Variants in TMEM182 observed in about 807,000 individuals in gnomAD.
The protein encoded by TMEM182 is transmembrane protein 182.
Under a neutral mutation model 26.8 loss-of-function variants are expected in TMEM182, and 20 were observed. The ratio of observed to expected loss-of-function variants is 0.75; its 90% CI spans 0.53 to 1.09. The LOEUF is 1.09. Among genes scored for constraint, TMEM182 ranks in the 50% least tolerant of loss-of-function variants. The pLI, the probability that TMEM182 is intolerant of heterozygous loss-of-function variation, is 0.00. For missense variants in TMEM182, 277 were observed against 275.5 expected (o/e 1.01, Z -0.04); for synonymous variants, 109 against 102.2 (o/e 1.07, Z -0.40).
At chr2:102,822,443 A>C (rs1434637791), downstream of TMEM182, among the ~76,000 whole-genome samples, 1 of 152,186 alleles carries the variant, frequency 6.6e-6, no homozygotes, top group Non-Finnish European at 1.5e-5. Flanking sequence ...TGAGGGGATG[A>C]GTAGGACAAG....
intron 1 of TMEM182, among the ~76,000 whole-genome samples, chr2:102,756,070 G>A (rs1680021515): frequency 6.6e-6 from 1 of 152,146 alleles, no homozygotes; most frequent in Admixed American, 6.5e-5. Flanking sequence ...AATCAGATGG[G>A]GAACAAGCAA....
chr2:102,813,767 C>T (rs73005337), intron 4 of TMEM182, among the ~76,000 whole-genome samples: 2,305 of 152,210 alleles, frequency 0.015, 63 homozygotes, highest in African/African-American at 0.052. Flanking sequence ...GGTCATGGGT[C>T]CAAAACTGTA....
chr2:102,825,144 C>T (rs1401763217), intron 3 of TMEM182, among the ~76,000 whole-genome samples: 1 of 152,170 alleles, frequency 6.6e-6, no homozygotes, highest in Non-Finnish European at 1.5e-5. Flanking sequence ...TAGAAAAACA[C>T]ATGGTATCTA....
intron 3 of TMEM182, among the ~76,000 whole-genome samples, chr2:102,768,443 C>G (rs993336296): frequency 6.6e-6 from 1 of 151,724 alleles, no homozygotes; most frequent in African/African-American, 2.4e-5. Context: ...AATCCCAACA[C>G]TTTGGAAGGC....
In TMEM182 at chr2:102,776,726, G is replaced by A. The variant is rs76625767; in HGVS notation, c.331+12299G>A. Among the ~76,000 whole-genome samples, 1,042 of 152,230 alleles carry A rather than the reference G, an allele frequency of 6.8e-3. 27 individuals carry two copies. Among genetic ancestry groups the A allele is most frequent in the East Asian group, 0.051 (264 of 5,178 alleles). ...GTGAGAGCATGCTTAAAGAAGCTGC[G>A]AAGCGGTCTTCCAAAGAGACCATAC... is the stretch of plus-strand genomic sequence containing the variant. On this transcript the variant is annotated intron_variant, in intron 3 of 4. Coordinates refer to ENST00000412401, the MANE Select transcript of TMEM182 (RefSeq NM_144632.5).
chr2:102,748,325 T>C (rs1679777418), intron 1 of TMEM182, among the ~76,000 whole-genome samples: 3 of 152,212 alleles, frequency 2.0e-5, no homozygotes, highest in Admixed American at 2.0e-4. Flanking sequence ...GTCCTGTGAG[T>C]GGCCCTCTCA....
intron 1 of TMEM182, among the ~76,000 whole-genome samples, chr2:102,742,697 T>C (rs1679579204): frequency 6.6e-6 from 1 of 152,146 alleles, no homozygotes; most frequent in African/African-American, 2.4e-5. Flanking sequence ...ATCTTACTTA[T>C]AGAGGAGTCA....
At chr2:102,762,521 T>C in intron 1 of TMEM182, 66 bp from the exon 2 acceptor site, 1 of 1,556,864 alleles carries the variant, frequency 6.4e-7, no homozygotes, top group Non-Finnish European at 8.7e-7. Context: ...AAAAATTTAC[T>C]GGCTGTAATG....
chr2:102,758,533 T>C, upstream of TMEM182: 1 of 715,884 alleles, frequency 1.4e-6, no homozygotes, highest in Non-Finnish European at 2.6e-6. Context: ...TAAAAGATGG[T>C]TTGAAAACAT....
intron 3 of TMEM182, among the ~76,000 whole-genome samples, chr2:102,834,988 C>T (rs1683218619): frequency 6.6e-6 from 1 of 152,128 alleles, no homozygotes; most frequent in African/African-American, 2.4e-5. Flanking sequence ...TGCCTGTTTC[C>T]TCCTTTGGAA....
chr2:102,758,541 C>T (rs1433252227), upstream of TMEM182: 3 of 714,924 alleles, frequency 4.2e-6, no homozygotes, highest in Admixed American at 6.0e-5. Context: ...GGTTTGAAAA[C>T]ATCTGTACAG....
intron 4 of TMEM182, among the ~76,000 whole-genome samples, chr2:102,808,650 A>G (rs1311387751): frequency 6.6e-6 from 1 of 152,196 alleles, no homozygotes; most frequent in African/African-American, 2.4e-5. Flanking sequence ...TATTCCCAGT[A>G]GTTTCATTCA....
chr2:102,838,787 T>C (rs1164845378), intron 3 of TMEM182, among the ~76,000 whole-genome samples: 1 of 152,082 alleles, frequency 6.6e-6, no homozygotes, highest in African/African-American at 2.4e-5. Flanking sequence ...GTCCATAAAG[T>C]CTCACAGATG....
At chr2:102,740,784 T>A (rs753973190) in intron 1 of TMEM182, among the ~76,000 whole-genome samples, 1 of 152,224 alleles carries the variant, frequency 6.6e-6, no homozygotes, top group Non-Finnish European at 1.5e-5. Context: ...ACAAGCCTTA[T>A]TTGTAATAAC....
downstream of TMEM182, among the ~76,000 whole-genome samples, chr2:102,820,614 G>A (rs1682899495): frequency 6.6e-6 from 1 of 152,188 alleles, no homozygotes; most frequent in Admixed American, 6.5e-5. Flanking sequence ...TGGGTAAAAA[G>A]TGGAAACAAA....
At chr2:102,756,915 G>A (rs1176587084) in intron 1 of TMEM182, among the ~76,000 whole-genome samples, 1 of 152,070 alleles carries the variant, frequency 6.6e-6, no homozygotes, top group Non-Finnish European at 1.5e-5. Flanking sequence ...CGGGGTTGAA[G>A]CAATTCTCTG....
chr2:102,831,565 T>C (rs1422010959), intron 3 of TMEM182, among the ~76,000 whole-genome samples: 3 of 152,132 alleles, frequency 2.0e-5, no homozygotes, highest in Admixed American at 6.5e-5. Context: ...AAGACAAGCC[T>C]GGCCAACATG....
chr2:102,805,709 C>A (rs973936302), intron 4 of TMEM182, among the ~76,000 whole-genome samples: 4 of 151,992 alleles, frequency 2.6e-5, no homozygotes, highest in African/African-American at 9.7e-5. Context: ...CATCATTAAT[C>A]TTTATCCTGA....
intron 3 of TMEM182, among the ~76,000 whole-genome samples, chr2:102,826,353 G>A (rs949463654): frequency 3.3e-5 from 5 of 149,846 alleles, no homozygotes; most frequent in Non-Finnish European, 5.9e-5. Flanking sequence ...TCATTAGAGC[G>A]GCGGTGGGGG....
Sources: allele counts gnomAD v4.1 joint callset (sites outside exome capture counted in the v4.1 genomes callset), GRCh38; gene constraint gnomAD v4.1.1; transcripts MANE v1.5; gene names NCBI Gene and HGNC (gene_info 2026-07-23, HGNC 2026-07-21).